The following TNFRSF10B variants were observed in gnomAD, a reference collection of about 807,000 sequenced individuals.
TNFRSF10B encodes TNF receptor superfamily member 10b, also known as tumor necrosis factor receptor superfamily member 10B.
Under a neutral mutation model 41.4 loss-of-function variants are expected in TNFRSF10B, and 35 were observed. The observed-to-expected ratio is 0.85, with a 90% CI of 0.65 to 1.12. The LOEUF is 1.12. TNFRSF10B is among the 50% of genes most tolerant of loss of function. The pLI is 0.00. For synonymous variants in TNFRSF10B, 230 were observed against 215.5 expected (o/e 1.07, Z -0.59); for missense variants, 584 against 552.7 (o/e 1.06, Z -0.57).
At chr8:23,031,067 C>A (rs1032680212) in intron 2 of TNFRSF10B, among the ~76,000 whole-genome samples, 195 bp from the exon 3 acceptor site, 7 of 152,148 alleles carry the variant, frequency 4.6e-5, no homozygotes, top group Admixed American at 2.6e-4. Flanking sequence ...ATAAGCCACA[C>A]ATTTATTTAT....
intron 3 of TNFRSF10B, among the ~76,000 whole-genome samples, chr8:23,030,197 T>C (rs1811839137): frequency 6.6e-6 from 1 of 152,208 alleles, no homozygotes; most frequent in African/African-American, 2.4e-5. Context: ...GTGCCACTGC[T>C]GAGATCCAGC....
intron 1 of TNFRSF10B, among the ~76,000 whole-genome samples, chr8:23,067,871 T>C (rs1356902804): frequency 6.6e-6 from 1 of 152,294 alleles, no homozygotes; most frequent in Middle Eastern, 3.4e-3. Context: ...TTCCCCACTC[T>C]GAGCTGCGGT....
intron 2 of TNFRSF10B, among the ~76,000 whole-genome samples, chr8:23,040,969 T>C (rs1463085620): frequency 1.3e-5 from 2 of 152,122 alleles, no homozygotes; most frequent in African/African-American, 2.4e-5. Context: ...ACTCTCCTCT[T>C]ACTACAAAAT....
chr8:23,062,750 T>C (rs1390511350), intron 1 of TNFRSF10B, among the ~76,000 whole-genome samples: 2 of 152,206 alleles, frequency 1.3e-5, no homozygotes, highest in Non-Finnish European at 2.9e-5. Context: ...CTCAGCATAA[T>C]TATTTTGAAA....
chr8:23,055,260 C>T (rs1812631479), intron 1 of TNFRSF10B, among the ~76,000 whole-genome samples: 1 of 152,176 alleles, frequency 6.6e-6, no homozygotes, highest in Non-Finnish European at 1.5e-5. Flanking sequence ...ATAGACAGTG[C>T]TACCGGGAAC....
chr8:23,052,677 G>A (rs543516428), intron 1 of TNFRSF10B, among the ~76,000 whole-genome samples: 1 of 152,286 alleles, frequency 6.6e-6, no homozygotes, highest in Admixed American at 6.5e-5. Flanking sequence ...GAGATATACA[G>A]AAAGTTATAA....
chr8:23,022,923 G>A lies in TNFRSF10B; in HGVS notation c.1071C>T (p.Leu357=), dbSNP rs1811581141. ...DLVPFDSWEP[L]MRKLGLMDNE... Reference sequence around the variant, plus strand: ...TGTCCATGAGGCCCAACTTCCTCATGAGCGGCTCCCAGGAGTCAAAGGGCA... The same window carrying A: ...TGTCCATGAGGCCCAACTTCCTCATAAGCGGCTCCCAGGAGTCAAAGGGCA... Residue 357 remains leucine, a synonymous_variant, in exon 9 of 9, where the codon CTC becomes CTT. Coordinates refer to ENST00000276431, the MANE Select transcript of TNFRSF10B (RefSeq NM_003842.5). 2 of 1,613,894 alleles carry A rather than the reference G, an allele frequency of 1.2e-6. No homozygotes were observed. The highest frequency in any genetic ancestry group is 1.7e-6 in the Non-Finnish European group (2 of 1,180,026).
In TNFRSF10B at chr8:23,021,685, C is replaced by T. The variant is rs773787753; in HGVS notation, c.*986G>A. The stretch of plus-strand genomic sequence containing the variant: ...GATCCAGTTCTCTTTGGTCCCGACT[C>T]ATATGTAAACAACTACCTATAAATA... On this transcript the variant is annotated 3_prime_UTR_variant, in exon 9 of 9. Coordinates refer to ENST00000276431, the MANE Select transcript of TNFRSF10B (RefSeq NM_003842.5). 1.3e-5 allele frequency: 6 copies of T among 453,972 alleles called. No individual in the cohort carries two copies. The highest frequency in any genetic ancestry group is 2.6e-5 in the Non-Finnish European group (6 of 226,794). 28.1% of individuals were successfully genotyped at this position (453,972 alleles called of 1,614,324 possible).
At chr8:23,066,421 G>A (rs1282487544) in intron 1 of TNFRSF10B, among the ~76,000 whole-genome samples, 2 of 152,164 alleles carry the variant, frequency 1.3e-5, no homozygotes, top group Non-Finnish European at 2.9e-5. Flanking sequence ...TGCAGAAGCA[G>A]ATCAATGAAC....
chr8:23,028,690 G>A, intron 4 of TNFRSF10B, 88 bp from the exon 5 acceptor site: 1 of 1,524,714 alleles, frequency 6.6e-7, no homozygotes, highest in African/African-American at 1.4e-5. Flanking sequence ...CCTCCCCAGT[G>A]TCCCTGAGAA....
At chr8:23,062,214 C>CTTTTTT (rs998529101) in intron 1 of TNFRSF10B, among the ~76,000 whole-genome samples, 1 of 151,764 alleles carries the variant, frequency 6.6e-6, no homozygotes, top group African/African-American at 2.4e-5. Context: ...TATGGTTTTT[C>CTTTTTT]TTTTTTCTTT....
At chr8:23,050,074 G>C (rs2128817995) in intron 1 of TNFRSF10B, 1 of 152,362 alleles carries the variant, frequency 6.6e-6, no homozygotes, top group Admixed American at 6.5e-5. Context: ...ATAAGGAGCG[G>C]ACGTGCTCAA....
chr8:23,049,446 C>T (rs1812457866), intron 1 of TNFRSF10B, among the ~76,000 whole-genome samples: 1 of 152,144 alleles, frequency 6.6e-6, no homozygotes, highest in African/African-American at 2.4e-5. Flanking sequence ...CTCCCCAAAC[C>T]TCCATGATTT....
intron 1 of TNFRSF10B, among the ~76,000 whole-genome samples, chr8:23,057,429 A>AT (rs201997985): frequency 0.044 from 5,100 of 115,598 alleles, 191 homozygotes; most frequent in African/African-American, 0.081. Context: ...GAATTCTGTA[A>AT]TTTTTTTTTT....
chr8:23,066,724 C>T (rs898712044), intron 1 of TNFRSF10B, among the ~76,000 whole-genome samples: 2 of 151,326 alleles, frequency 1.3e-5, no homozygotes, highest in African/African-American at 2.4e-5. Context: ...GGTGAAACCC[C>T]GTCTCTACTA....
intron 1 of TNFRSF10B, among the ~76,000 whole-genome samples, chr8:23,045,306 AT>A (rs1320472688): frequency 6.6e-6 from 1 of 152,196 alleles, no homozygotes; most frequent in African/African-American, 2.4e-5. Context: ...ATTATGAACA[AT>A]TATATGCCAA....
At chr8:23,033,058 C>T (rs1225981250) in intron 2 of TNFRSF10B, among the ~76,000 whole-genome samples, 1 of 152,096 alleles carries the variant, frequency 6.6e-6, no homozygotes, top group African/African-American at 2.4e-5. Flanking sequence ...GAGTGGGTAA[C>T]ATATTTAAAG....
chr8:23,040,877 G>C (rs563950340), intron 2 of TNFRSF10B, among the ~76,000 whole-genome samples: 68 of 152,122 alleles, frequency 4.5e-4, no homozygotes, highest in African/African-American at 1.5e-3. Context: ...AGTGATTCAT[G>C]TCACTGATAA....
At chr8:23,064,909 T>C (rs946411210) in intron 1 of TNFRSF10B, among the ~76,000 whole-genome samples, 1 of 152,194 alleles carries the variant, frequency 6.6e-6, no homozygotes, top group African/African-American at 2.4e-5. Context: ...TCAATGTTGA[T>C]TTTAAGCAAA....
Sources: allele counts gnomAD v4.1 joint callset (sites outside exome capture counted in the v4.1 genomes callset), GRCh38; gene constraint gnomAD v4.1.1; transcripts MANE v1.5; gene names NCBI Gene and HGNC (gene_info 2026-07-23, HGNC 2026-07-21).